Variants in PTPRD observed in about 807,000 individuals in gnomAD.
PTPRD encodes receptor-type tyrosine-protein phosphatase delta.
In PTPRD, 34 loss-of-function variants were observed where a neutral mutation model predicts 214.5. The observed-to-expected ratio is 0.16, with a 90% CI of 0.12 to 0.21. The LOEUF is 0.21. Among genes scored for constraint, PTPRD ranks in the 10% least tolerant of loss-of-function variants. The pLI is 1.00. For missense variants in PTPRD, 2,545 were observed against 2,398.7 expected (o/e 1.06, Z -1.27); for synonymous variants, 1,128 against 845.7 (o/e 1.33, Z -5.79).
At chr9:9,935,978 A>C (rs1188038102) in intron 5 of PTPRD, among the ~76,000 whole-genome samples, 1 of 151,308 alleles carries the variant, frequency 6.6e-6, no homozygotes, top group Non-Finnish European at 1.5e-5. Flanking sequence ...GCAATGGGGA[A>C]AGGATTCCCT....
chr9:10,256,466 T>G lies in PTPRD; in HGVS notation c.-545+84497A>C, dbSNP rs548208102. On this transcript the variant is annotated intron_variant, in intron 3 of 45. Coordinates refer to ENST00000381196, the MANE Select transcript of PTPRD (RefSeq NM_002839.4). ...ATACAGTATACTATATAAAAAGTGA[T>G]GGAAAATTTTAGCTCCATTATAATC... Among the ~76,000 whole-genome samples the G allele has an allele frequency of 9.3e-4, 142 of 152,032 alleles. 1 individual carries two copies. The highest frequency in any genetic ancestry group is 1.9e-3 in the Admixed American group (29 of 15,288).
intron 3 of PTPRD, among the ~76,000 whole-genome samples, chr9:10,305,919 T>C (rs1277529063): frequency 6.6e-6 from 1 of 152,134 alleles, no homozygotes; most frequent in Admixed American, 6.6e-5. Flanking sequence ...ATCCCACTAC[T>C]GGGTATATAC....
At chr9:8,659,939 G>C (rs1290770171) in intron 12 of PTPRD, among the ~76,000 whole-genome samples, 1 of 152,186 alleles carries the variant, frequency 6.6e-6, no homozygotes, top group Non-Finnish European at 1.5e-5. Flanking sequence ...GAGAGAGAGA[G>C]AGACTGGTTC....
intron 8 of PTPRD, among the ~76,000 whole-genome samples, chr9:9,433,680 C>G (rs1338110979): frequency 6.6e-6 from 1 of 152,154 alleles, no homozygotes; most frequent in Non-Finnish European, 1.5e-5. Context: ...AGATTTTACA[C>G]AGATACATTT....
chr9:9,634,138 C>T (rs892289758), intron 7 of PTPRD, among the ~76,000 whole-genome samples: 1 of 152,008 alleles, frequency 6.6e-6, no homozygotes, highest in Non-Finnish European at 1.5e-5. Context: ...GTCAAAAATT[C>T]TACATCATCA....
In PTPRD at chr9:9,316,337, T is replaced by C. The variant is rs78686072; in HGVS notation, c.-203+81112A>G. On this transcript the variant is annotated intron_variant, in intron 9 of 45. Coordinates refer to ENST00000381196, the MANE Select transcript of PTPRD (RefSeq NM_002839.4). ...GTTTCCTAAATATGAACTGATTGAA[T>C]TGCAGACACATTTTTCAGGTTAGAA... 2.3e-4 allele frequency among the ~76,000 whole-genome samples: 35 copies of C among 152,180 alleles called. No homozygotes were observed. The Middle Eastern group carries it at 0.01, about 44-fold the overall frequency.
intron 3 of PTPRD, among the ~76,000 whole-genome samples, chr9:10,239,607 G>C (rs1422138569): frequency 1.1e-5 from 1 of 90,030 alleles, no homozygotes; most frequent in Non-Finnish European, 3.1e-5. Context: ...TAACAGCTGT[G>C]ATAGCAGAAT....
At chr9:10,017,634 T>A (rs1457162325) in intron 4 of PTPRD, among the ~76,000 whole-genome samples, 2 of 152,244 alleles carry the variant, frequency 1.3e-5, no homozygotes, top group South Asian at 4.2e-4. Flanking sequence ...AATTTTTCCA[T>A]ATGAAAAATC....
At chr9:8,632,096 T>A (rs2096270703) in intron 14 of PTPRD, among the ~76,000 whole-genome samples, 1 of 151,416 alleles carries the variant, frequency 6.6e-6, no homozygotes, top group African/African-American at 2.4e-5. Flanking sequence ...ATAATCTCAT[T>A]TTCTCAGCCT....
At chr9:9,694,096 C>T (rs1205996189) in intron 7 of PTPRD, among the ~76,000 whole-genome samples, 1 of 152,100 alleles carries the variant, frequency 6.6e-6, no homozygotes, top group East Asian at 1.9e-4. Context: ...TGGATTGGAC[C>T]TTGGTGCCTT....
chr9:9,089,431 A>G (rs2099772286), intron 10 of PTPRD, among the ~76,000 whole-genome samples: 1 of 152,194 alleles, frequency 6.6e-6, no homozygotes, highest in Non-Finnish European at 1.5e-5. Flanking sequence ...CAGATTCAGT[A>G]CGAATATTAA....
chr9:8,401,575 TGA>T (rs1318148482), intron 36 of PTPRD, among the ~76,000 whole-genome samples: 4 of 152,146 alleles, frequency 2.6e-5, no homozygotes, highest in Non-Finnish European at 5.9e-5. Context: ...AAAATGACTG[TGA>T]TTTGGAAAGA....
chr9:8,798,774 T>G (rs2096502632), intron 11 of PTPRD, among the ~76,000 whole-genome samples: 2 of 152,180 alleles, frequency 1.3e-5, no homozygotes, highest in Admixed American at 6.5e-5. Context: ...TACTAGTGCT[T>G]CGGTGATCAT....
chr9:10,096,473 A>G (rs2098485794), intron 3 of PTPRD, among the ~76,000 whole-genome samples: 1 of 151,858 alleles, frequency 6.6e-6, no homozygotes, highest in Admixed American at 6.6e-5. Context: ...TTTGATTTGC[A>G]TTTCTCTGAT....
At chr9:8,462,564 T>C (rs1008423793) in intron 32 of PTPRD, among the ~76,000 whole-genome samples, 4 of 151,988 alleles carry the variant, frequency 2.6e-5, no homozygotes, top group Non-Finnish European at 5.9e-5. Flanking sequence ...ACACATTCCA[T>C]CACAGTGGGC....
At chr9:9,573,186 C>T (rs573556304) in intron 8 of PTPRD, among the ~76,000 whole-genome samples, 23 of 151,770 alleles carry the variant, frequency 1.5e-4, no homozygotes, top group South Asian at 6.2e-4. Flanking sequence ...CAATTTACCA[C>T]TGCACACAAT....
intron 8 of PTPRD, among the ~76,000 whole-genome samples, chr9:9,484,687 T>C (rs965515435): frequency 6.6e-6 from 1 of 152,112 alleles, no homozygotes; most frequent in Non-Finnish European, 1.5e-5. Context: ...CATTTTTAGA[T>C]GAAAACTGAG....
chr9:9,336,323 T>C (rs2044464839), intron 9 of PTPRD, among the ~76,000 whole-genome samples: 1 of 152,154 alleles, frequency 6.6e-6, no homozygotes, highest in African/African-American at 2.4e-5. Flanking sequence ...GGCAGAATCC[T>C]TTGCCCATGT....
chr9:8,832,178 A>T (rs921768816), intron 11 of PTPRD, among the ~76,000 whole-genome samples: 2 of 151,334 alleles, frequency 1.3e-5, no homozygotes, highest in African/African-American at 4.9e-5. Flanking sequence ...ACAGTACCTA[A>T]ATATATTTAA....
Sources: gnomAD v4.1 joint callset for allele counts (sites outside exome capture counted in the v4.1 genomes callset) on GRCh38, gnomAD v4.1.1 for gene constraint, MANE v1.5 for transcripts, NCBI Gene and HGNC (gene_info 2026-07-23, HGNC 2026-07-21) for gene names.